PATJ: variants seen among roughly 807,000 people sequenced by gnomAD.
PATJ encodes inaD-like protein.
In PATJ, 190 loss-of-function variants were observed where a neutral mutation model predicts 224.9. The observed-to-expected ratio is 0.84, with a 90% CI of 0.75 to 0.95. PATJ has a LOEUF of 0.95. PATJ is among the 40% of genes least tolerant of loss of function. The pLI, the probability that PATJ is intolerant of heterozygous loss-of-function variation, is 0.00. For missense variants in PATJ, 2,121 were observed against 2,270.3 expected (o/e 0.93, Z 1.34); for synonymous variants, 769 against 820.3 (o/e 0.94, Z 1.07).
chr1:61,814,443 G>T (rs1194199904), intron 14 of PATJ, among the ~76,000 whole-genome samples: 1 of 151,438 alleles, frequency 6.6e-6, no homozygotes, highest in Non-Finnish European at 1.5e-5. Context: ...GTGCCCGGCC[G>T]CATTATTCTC....
At chr1:62,157,026 T>C (rs1024657090) in intron 43 of PATJ, among the ~76,000 whole-genome samples, 1 of 152,092 alleles carries the variant, frequency 6.6e-6, no homozygotes, top group African/African-American at 2.4e-5. Context: ...GAATTCATTT[T>C]AGAAAGACTT....
intron 27 of PATJ, among the ~76,000 whole-genome samples, chr1:61,975,656 G>C (rs1249128097): frequency 6.6e-6 from 1 of 151,912 alleles, no homozygotes; most frequent in Non-Finnish European, 1.5e-5. Context: ...CTGTCGAGTG[G>C]TAATTCATCT....
intron 14 of PATJ, among the ~76,000 whole-genome samples, chr1:61,817,613 AT>A (rs1405641409): frequency 6.6e-6 from 1 of 152,218 alleles, no homozygotes; most frequent in African/African-American, 2.4e-5. Context: ...GTGAGCCGAG[AT>A]CGCACCATTG....
intron 29 of PATJ, among the ~76,000 whole-genome samples, chr1:62,023,958 A>G (rs1011668551): frequency 1.3e-5 from 2 of 152,164 alleles, no homozygotes; most frequent in African/African-American, 4.8e-5. Context: ...GATGATCATC[A>G]TATGATTTTC....
At chr1:61,873,327 C>G (rs1489526131) in intron 20 of PATJ, among the ~76,000 whole-genome samples, 1 of 152,058 alleles carries the variant, frequency 6.6e-6, no homozygotes, top group East Asian at 1.9e-4. Context: ...ACCGCTATGC[C>G]TGGCTAGTTT....
chr1:61,803,744 C>T (rs1046639392), intron 12 of PATJ, among the ~76,000 whole-genome samples: 3 of 152,134 alleles, frequency 2.0e-5, no homozygotes, highest in African/African-American at 2.4e-5. Context: ...AACTTCACTA[C>T]GTTTTTTTCT....
chr1:61,858,779 T>C (rs7515512), intron 18 of PATJ, among the ~76,000 whole-genome samples: 34,593 of 152,156 alleles, frequency 0.23, 4,518 homozygotes, highest in African/African-American at 0.35. Flanking sequence ...GTACAGCATA[T>C]GGTATTTTTG....
At chr1:61,847,602 A>G (rs72674664) in intron 17 of PATJ, among the ~76,000 whole-genome samples, 1,956 of 152,338 alleles carry the variant, frequency 0.013, 22 homozygotes, top group Non-Finnish European at 0.018. Context: ...ATACTTTGCT[A>G]TATTATAAAA....
intron 33 of PATJ, among the ~76,000 whole-genome samples, chr1:62,102,383 G>A (rs1662282030): frequency 6.6e-6 from 1 of 152,084 alleles, no homozygotes; most frequent in African/African-American, 2.4e-5. Flanking sequence ...GCCGTTAATT[G>A]ATAGAAATTA....
chr1:61,985,753 T>C (rs1003449520), intron 27 of PATJ, among the ~76,000 whole-genome samples: 98 of 152,018 alleles, frequency 6.4e-4, no homozygotes, highest in African/African-American at 2.3e-3. Flanking sequence ...CTTCCTCTAA[T>C]GGTTCCCGCC....
At chr1:61,987,407 A>T (rs561528563) in intron 27 of PATJ, among the ~76,000 whole-genome samples, 1,232 of 117,538 alleles carry the variant, frequency 0.01, 14 homozygotes, top group African/African-American at 0.029. Flanking sequence ...CTTTTTTTTT[A>T]AAAAAAAGAT....
At chr1:61,868,771 A>G (rs1297752370) in intron 20 of PATJ, among the ~76,000 whole-genome samples, 1 of 152,118 alleles carries the variant, frequency 6.6e-6, no homozygotes, top group Non-Finnish European at 1.5e-5. Flanking sequence ...CCTGGGCAAC[A>G]GAGAGAGACT....
chr1:61,909,693 A>C (rs1263137138), intron 25 of PATJ, among the ~76,000 whole-genome samples: 1 of 152,128 alleles, frequency 6.6e-6, no homozygotes. Flanking sequence ...TTACATATGC[A>C]CTTCTAACTG....
intron 26 of PATJ, among the ~76,000 whole-genome samples, chr1:61,915,336 T>C (rs1673298081): frequency 6.6e-6 from 1 of 152,234 alleles, no homozygotes; most frequent in African/African-American, 2.4e-5. Flanking sequence ...CTAAGCTTTC[T>C]CTTTGTTCCA....
chr1:61,874,399 T>C (rs910787557), intron 20 of PATJ, among the ~76,000 whole-genome samples: 5 of 152,076 alleles, frequency 3.3e-5, no homozygotes, highest in Non-Finnish European at 7.3e-5. Context: ...GGTTTCCCCA[T>C]GTTGGCTGGG....
intron 21 of PATJ, among the ~76,000 whole-genome samples, chr1:61,877,669 G>A (rs1020624736): frequency 3.9e-5 from 6 of 152,102 alleles, no homozygotes; most frequent in African/African-American, 1.4e-4. Flanking sequence ...ATGATTGTAA[G>A]TTTCCTGAGG....
At chr1:62,130,633 C>T (rs1036945257) in intron 41 of PATJ, among the ~76,000 whole-genome samples, 5 of 151,604 alleles carry the variant, frequency 3.3e-5, no homozygotes, top group Non-Finnish European at 5.9e-5. Flanking sequence ...GGGCGGATCA[C>T]GAGGTCAAGA....
At chr1:61,849,767 A>T (rs909087238) in intron 17 of PATJ, among the ~76,000 whole-genome samples, 1 of 152,178 alleles carries the variant, frequency 6.6e-6, no homozygotes, top group African/African-American at 2.4e-5. Flanking sequence ...CTATCCTGTT[A>T]TTTGATGTCT....
At chr1:62,146,641 G>T (rs1668068654) in intron 41 of PATJ, among the ~76,000 whole-genome samples, 3 of 152,068 alleles carry the variant, frequency 2.0e-5, no homozygotes, top group African/African-American at 7.2e-5. Flanking sequence ...GCCAGGCGTG[G>T]TGGCGGGTGC....
Sources: gnomAD v4.1 joint callset for allele counts (sites outside exome capture counted in the v4.1 genomes callset) on GRCh38, gnomAD v4.1.1 for gene constraint, MANE v1.5 for transcripts, NCBI Gene and HGNC (gene_info 2026-07-23, HGNC 2026-07-21) for gene names.